Variants in MACROD2 observed in about 807,000 individuals in gnomAD.
MACROD2 encodes the protein ADP-ribose glycohydrolase MACROD2.
Under a neutral mutation model 70.4 loss-of-function variants are expected in MACROD2, and 36 were observed. The ratio of observed to expected loss-of-function variants is 0.51; its 90% CI spans 0.39 to 0.68. MACROD2 has a LOEUF of 0.68. Ranked by LOEUF, MACROD2 falls within the 30% of genes least tolerant of loss-of-function variation. The probability of loss-of-function intolerance (pLI) is 0.00; values close to 1 mark genes in which losing one functional copy is unlikely to be tolerated. For synonymous variants in MACROD2, 172 were observed against 178.8 expected, an observed-to-expected ratio of 0.96 and a Z score of 0.30; for missense variants, 496 against 538.4, an observed-to-expected ratio of 0.92 and a Z score of 0.78.
chr20:15,152,351 G>T (rs1196887512), intron 5 of MACROD2, among the ~76,000 whole-genome samples: 1 of 151,470 alleles, frequency 6.6e-6, no homozygotes, highest in Non-Finnish European at 1.5e-5. Context: ...AGAAAAGAGA[G>T]TAGAGACACG....
chr20:14,971,839 C>G (rs1388238813), intron 5 of MACROD2, among the ~76,000 whole-genome samples: 1 of 152,122 alleles, frequency 6.6e-6, no homozygotes, highest in Non-Finnish European at 1.5e-5. Context: ...TCTTACTACA[C>G]AAGTTGATGG....
At chr20:15,957,160 T>C (rs1007689040) in intron 12 of MACROD2, among the ~76,000 whole-genome samples, 7 of 152,038 alleles carry the variant, frequency 4.6e-5, no homozygotes, top group Non-Finnish European at 8.8e-5. Context: ...AGGAGGATAA[T>C]GGGTAGAAAG....
At chr20:14,622,064 T>C (rs1983859621) in intron 4 of MACROD2, 1 of 152,180 alleles carries the variant, frequency 6.6e-6, no homozygotes, top group Admixed American at 6.5e-5. Context: ...ATTTTACAAA[T>C]ACAATGAAAT....
At chr20:14,325,961 C>T (rs2082726411) in intron 3 of MACROD2, 1 of 1,613,848 alleles carries the variant, frequency 6.2e-7, no homozygotes, top group Non-Finnish European at 8.5e-7. Flanking sequence ...TTCTCTTGCT[C>T]TCGATTGAGG....
chr20:15,999,551 C>G (rs965407177), intron 15 of MACROD2, among the ~76,000 whole-genome samples: 5 of 152,142 alleles, frequency 3.3e-5, no homozygotes, highest in African/African-American at 9.7e-5. Flanking sequence ...GGTGACCTAT[C>G]TATCATTGAA....
intron 3 of MACROD2, among the ~76,000 whole-genome samples, chr20:14,111,100 TGCCAA>T: frequency 6.6e-6 from 1 of 152,032 alleles, no homozygotes; most frequent in Admixed American, 6.6e-5. Context: ...TCAACAAAGG[TGCCAA>T]GAACATACAT....
At chr20:14,861,987 A>G (rs1374435770) in intron 5 of MACROD2, among the ~76,000 whole-genome samples, 1 of 64,864 alleles carries the variant, frequency 1.5e-5, no homozygotes, top group Non-Finnish European at 2.7e-5. Flanking sequence ...ATATATATAT[A>G]TATATTTATA....
At chr20:14,505,070 A>G (rs1386195682) in intron 4 of MACROD2, among the ~76,000 whole-genome samples, 1 of 152,238 alleles carries the variant, frequency 6.6e-6, no homozygotes, top group Non-Finnish European at 1.5e-5. Context: ...TTACAAAATG[A>G]TTACTCTAAG....
At chr20:15,334,563 A>G (rs908839901) in intron 6 of MACROD2, among the ~76,000 whole-genome samples, 3 of 150,116 alleles carry the variant, frequency 2.0e-5, no homozygotes, top group Non-Finnish European at 4.4e-5. Flanking sequence ...TGAAGAGACA[A>G]TCAAGTGGGG....
intron 7 of MACROD2, among the ~76,000 whole-genome samples, chr20:15,453,201 A>AT (rs1241012833): frequency 7.0e-6 from 1 of 143,412 alleles, no homozygotes; most frequent in Non-Finnish European, 1.6e-5. Flanking sequence ...ATGTACCTGA[A>AT]TTGCTGTTTT....
chr20:15,516,325 A>T (rs1009879778), intron 8 of MACROD2, among the ~76,000 whole-genome samples: 1 of 152,178 alleles, frequency 6.6e-6, no homozygotes, highest in Non-Finnish European at 1.5e-5. Context: ...CTTAGATTTC[A>T]TGTGTAATTC....
At chr20:14,210,452 ATGG>A (rs1489122444) in intron 3 of MACROD2, among the ~76,000 whole-genome samples, 1 of 152,188 alleles carries the variant, frequency 6.6e-6, no homozygotes, top group Non-Finnish European at 1.5e-5. Flanking sequence ...AGTGAAGCCC[ATGG>A]TGTGGACAGC....
intron 3 of MACROD2, among the ~76,000 whole-genome samples, chr20:14,133,000 ATG>A (rs142626031): frequency 2.6e-5 from 4 of 151,014 alleles, no homozygotes; most frequent in Non-Finnish European, 4.4e-5. Flanking sequence ...AACATAACAT[ATG>A]TGTGTGTGTG....
intron 5 of MACROD2, among the ~76,000 whole-genome samples, chr20:14,934,307 A>G (rs574769979): frequency 6.6e-6 from 1 of 152,322 alleles, no homozygotes; most frequent in South Asian, 2.1e-4. Flanking sequence ...CACATAATAA[A>G]GCAACAGAAG....
chr20:15,039,584 C>T (rs1347469337), intron 5 of MACROD2, among the ~76,000 whole-genome samples: 1 of 150,858 alleles, frequency 6.6e-6, no homozygotes, highest in Non-Finnish European at 1.5e-5. Flanking sequence ...CCTGACATCA[C>T]TTAACAAACC....
chr20:14,531,541 T>G (rs1021538671), intron 4 of MACROD2, among the ~76,000 whole-genome samples: 3 of 152,170 alleles, frequency 2.0e-5, no homozygotes, highest in Non-Finnish European at 4.4e-5. Context: ...TCCAGAGATG[T>G]GACAGAATAA....
intron 3 of MACROD2, among the ~76,000 whole-genome samples, chr20:14,479,712 T>G (rs1174395649): frequency 6.6e-6 from 1 of 152,094 alleles, no homozygotes; most frequent in Non-Finnish European, 1.5e-5. Flanking sequence ...TCACCAGACT[T>G]CAGCTTCATC....
chr20:15,856,198 A>G (rs2064354723), intron 8 of MACROD2, among the ~76,000 whole-genome samples: 1 of 152,188 alleles, frequency 6.6e-6, no homozygotes. Context: ...CAAGTATAAG[A>G]CAATACTTGA....
rs1343483329 is a variant in MACROD2, at chr20:15,110,139, T to G, written c.419-119801T>G. Reference sequence around the variant, plus strand: ...TCCAAGTGCTATCATTTAATTTACTTTCAGGGAGTAATGTGTGTGCCCTGG... The same window carrying G: ...TCCAAGTGCTATCATTTAATTTACTGTCAGGGAGTAATGTGTGTGCCCTGG... On this transcript the variant is annotated intron_variant, in intron 5 of 17. Transcript: ENST00000684519. 2.0e-5 allele frequency among the ~76,000 whole-genome samples: 3 copies of G among 152,258 alleles called. No individual in the cohort carries two copies. In the East Asian group the frequency reaches 5.8e-4, roughly 29 times the overall value.
Sources: gnomAD v4.1 joint callset for allele counts (sites outside exome capture counted in the v4.1 genomes callset) on GRCh38, gnomAD v4.1.1 for gene constraint, MANE v1.5 for transcripts, NCBI Gene and HGNC (gene_info 2026-07-23, HGNC 2026-07-21) for gene names.